CNPY1: variants seen among roughly 807,000 people sequenced by gnomAD.
CNPY1 encodes canopy FGF signaling regulator 1.
A neutral mutation model predicts 14.4 loss-of-function variants in CNPY1; 14 were observed. That is an observed-to-expected ratio of 0.97 (90% CI 0.64 to 1.52). The LOEUF is 1.52. CNPY1 is among the 40% of genes most tolerant of loss of function. The probability of loss-of-function intolerance (pLI) is 0.00; values close to 1 mark genes in which losing one functional copy is unlikely to be tolerated. For synonymous variants in CNPY1, 43 were observed against 46.5 expected (o/e 0.92, Z 0.31); for missense variants, 129 against 131.5 (o/e 0.98, Z 0.09).
chr7:155,508,395 A>C (rs1796401945), intron 3 of CNPY1, among the ~76,000 whole-genome samples: 4 of 152,222 alleles, frequency 2.6e-5, no homozygotes, highest in Admixed American at 2.6e-4. Flanking sequence ...AGAAAAAAAG[A>C]GGTGGTTGCA....
At chr7:155,516,871 C>T (rs1489121217) in intron 2 of CNPY1, among the ~76,000 whole-genome samples, 4 of 151,958 alleles carry the variant, frequency 2.6e-5, no homozygotes, top group African/African-American at 7.2e-5. Context: ...TCCGGGAAGC[C>T]CTTAGGTTGG....
intron 2 of CNPY1, 29 bp from the exon 3 acceptor site, chr7:155,509,126 T>C (rs976616404): frequency 1.5e-6 from 2 of 1,376,704 alleles, no homozygotes; most frequent in East Asian, 2.3e-5. Context: ...CGAGGAAACT[T>C]GTCTTAATGT....
intron 2 of CNPY1, among the ~76,000 whole-genome samples, chr7:155,520,074 C>T (rs959962456): frequency 2.0e-5 from 3 of 152,180 alleles, no homozygotes; most frequent in Non-Finnish European, 2.9e-5. Context: ...GTAACTAGGT[C>T]GCCGTAGGTA....
At chr7:155,510,569 G>A (rs1164453002) in intron 2 of CNPY1, 1 of 152,142 alleles carries the variant, frequency 6.6e-6, no homozygotes, top group African/African-American at 2.4e-5. Flanking sequence ...AAGTTAAATA[G>A]CTTATGGACT....
chr7:155,539,708 A>G (rs536508463), intron 2 of CNPY1, among the ~76,000 whole-genome samples: 3 of 152,326 alleles, frequency 2.0e-5, no homozygotes, highest in South Asian at 4.1e-4. Context: ...GCAGACAAAC[A>G]TTCATGTGTG....
At chr7:155,503,403 C>T (rs1796187099) in intron 4 of CNPY1, among the ~76,000 whole-genome samples, 1 of 151,986 alleles carries the variant, frequency 6.6e-6, no homozygotes, top group Non-Finnish European at 1.5e-5. Flanking sequence ...GTCATTTCAC[C>T]CATGGCTCCA....
chr7:155,521,957 T>A (rs1436624132), intron 2 of CNPY1, among the ~76,000 whole-genome samples: 1 of 152,242 alleles, frequency 6.6e-6, no homozygotes, highest in Admixed American at 6.5e-5. Context: ...GGTCCCCAAC[T>A]GCTCATGCCC....
chr7:155,533,590 C>T (rs921090340), intron 2 of CNPY1, among the ~76,000 whole-genome samples: 1 of 152,184 alleles, frequency 6.6e-6, no homozygotes, highest in Non-Finnish European at 1.5e-5. Context: ...CGCTCCGTCC[C>T]GGTCCGGCGT....
At chr7:155,541,913 T>G (rs1030048306) in intron 2 of CNPY1, among the ~76,000 whole-genome samples, 6 of 152,018 alleles carry the variant, frequency 3.9e-5, no homozygotes, top group Non-Finnish European at 7.4e-5. Context: ...TTTAGTACTG[T>G]CTTTGCTGGG....
intron 2 of CNPY1, among the ~76,000 whole-genome samples, chr7:155,540,386 A>C (rs186359641): frequency 9.8e-5 from 15 of 152,376 alleles, no homozygotes; most frequent in Admixed American, 9.8e-4. Flanking sequence ...TCAGCAAATT[A>C]AATTAATACT....
At chr7:155,523,360 G>T (rs948608321) in intron 2 of CNPY1, among the ~76,000 whole-genome samples, 1 of 152,194 alleles carries the variant, frequency 6.6e-6, no homozygotes, top group Non-Finnish European at 1.5e-5. Context: ...TGTGGCGGGG[G>T]CAGGGAGTGG....
At chr7:155,545,979 G>A (rs946904837) in intron 1 of CNPY1, 36 bp from the exon 2 acceptor site, 1 of 398,590 alleles carries the variant, frequency 2.5e-6, no homozygotes. Context: ...ATCAGAGGAG[G>A]AGGCGAGCCA....
chr7:155,516,623 C>T (rs1464833337), intron 2 of CNPY1, among the ~76,000 whole-genome samples: 1 of 152,178 alleles, frequency 6.6e-6, no homozygotes, highest in Non-Finnish European at 1.5e-5. Context: ...TGGGGCACAC[C>T]CAGTGCCTCC....
intron 2 of CNPY1, among the ~76,000 whole-genome samples, chr7:155,514,836 G>A (rs1796585998): frequency 1.3e-5 from 2 of 152,166 alleles, no homozygotes; most frequent in Admixed American, 1.3e-4. Context: ...GGAGGTTGCG[G>A]TGAGCCGAGA....
Position 155,510,472 on chromosome 7 carries a change from G to C in CNPY1, c.100-1375C>G, listed in dbSNP as rs564743407. The stretch of plus-strand genomic sequence containing the variant: ...ATTAACTATCAGCTGCGCCTCCCCT[G>C]TGCACAGGTAACATCCCTCCTTCTC... On this transcript the variant is annotated intron_variant, in intron 2 of 4. Transcript: ENST00000636446. 4.6e-5 allele frequency: 7 copies of C among 152,346 alleles called. No individual in the cohort carries two copies. In the East Asian group the frequency reaches 1.2e-3, roughly 25 times the overall value. The allele number at this position is 152,346 out of a possible 1,614,324, so 9.4% of individuals were successfully genotyped here.
At chr7:155,527,006 A>G (rs1446442111) in intron 2 of CNPY1, among the ~76,000 whole-genome samples, 5 of 127,074 alleles carry the variant, frequency 3.9e-5, no homozygotes, top group Non-Finnish European at 8.7e-5. Context: ...TCCATATCCT[A>G]GGCAGCCATG....
intron 3 of CNPY1, among the ~76,000 whole-genome samples, chr7:155,508,119 T>A (rs1796390967): frequency 6.6e-6 from 1 of 152,226 alleles, no homozygotes. Context: ...TTTTGGCCAA[T>A]GTGTGAACTT....
chr7:155,522,262 T>C (rs1796740855), intron 2 of CNPY1, among the ~76,000 whole-genome samples: 1 of 152,218 alleles, frequency 6.6e-6, no homozygotes, highest in Non-Finnish European at 1.5e-5. Context: ...CGCTACCGCA[T>C]GTTGTAGGCC....
chr7:155,502,012 G>GT lies in CNPY1; in HGVS notation c.*1055_*1056insA, dbSNP rs1796132121. ...TTTGGGTCGGGGGGGTTGGGGGGGG[G>GT]ATTTGTAGCATCCTACCCACTTGAT... On this transcript the variant is annotated 3_prime_UTR_variant, in exon 5 of 5. Coordinates refer to ENST00000636446, the MANE Select transcript of CNPY1 (RefSeq NM_001393663.1). 2 of 143,428 alleles carry GT rather than the reference G, an allele frequency of 1.4e-5. No individual in the cohort carries two copies. The highest frequency in any genetic ancestry group is 4.5e-4 in the East Asian group (2 of 4,470). The allele number at this position is 143,428 out of a possible 1,614,324, so 8.9% of individuals were successfully genotyped here.
Sources: gnomAD v4.1 joint callset for allele counts (sites outside exome capture counted in the v4.1 genomes callset) on GRCh38, gnomAD v4.1.1 for gene constraint, MANE v1.5 for transcripts, NCBI Gene and HGNC (gene_info 2026-07-23, HGNC 2026-07-21) for gene names.